FBXL2: variants seen among roughly 807,000 people sequenced by gnomAD.
FBXL2 encodes F-box/LRR-repeat protein 2.
Under a neutral mutation model 69.2 loss-of-function variants are expected in FBXL2, and 38 were observed. That is an observed-to-expected ratio of 0.55 (90% confidence interval 0.42 to 0.72). The LOEUF (loss-of-function observed/expected upper bound fraction) is 0.72, where lower values mean the gene tolerates loss of function less well. Among genes scored for constraint, FBXL2 ranks in the 30% least tolerant of loss-of-function variants. The pLI is 0.00. For synonymous variants in FBXL2, 192 were observed against 201.3 expected, an observed-to-expected ratio of 0.95 and a Z score of 0.39; for missense variants, 354 against 520.3, an observed-to-expected ratio of 0.68 and a Z score of 3.11.
chr3:33,292,964 C>T (rs1482246522), intron 1 of FBXL2, among the ~76,000 whole-genome samples: 3 of 152,132 alleles, frequency 2.0e-5, no homozygotes, highest in Non-Finnish European at 4.4e-5. Flanking sequence ...ACATATGCAC[C>T]AAACAACAGA....
At position 33,282,202 on chromosome 3, in the gene FBXL2, C is replaced by A. The variant is rs563331003; in HGVS notation, c.3+4687C>A. 1.7e-4 allele frequency among the ~76,000 whole-genome samples: 26 copies of A among 152,220 alleles called. No individual in the cohort carries two copies. In the South Asian group the frequency reaches 5.4e-3, roughly 32 times the overall value. ...TAGGTCTTACATTTAAGTCTTTAAT[C>A]CATCTTGAATTAATTTTTGTATAAG... is the stretch of plus-strand genomic sequence containing the variant. On this transcript the variant is annotated intron_variant, in intron 1 of 14. Coordinates refer to ENST00000484457, the MANE Select transcript of FBXL2 (RefSeq NM_012157.5).
intron 2 of FBXL2, among the ~76,000 whole-genome samples, chr3:33,356,390 C>T (rs112778078): frequency 0.01 from 1,534 of 152,082 alleles, 26 homozygotes; most frequent in African/African-American, 0.035. Context: ...CTCGCTCTGT[C>T]GCCAGGCTGG....
chr3:33,388,963 G>A (rs2043642104), downstream of FBXL2: 1 of 152,068 alleles, frequency 6.6e-6, no homozygotes, highest in South Asian at 2.1e-4. Flanking sequence ...GGACACCTGG[G>A]TATATGGACA....
Position 33,375,296 on chromosome 3 carries a change from G to A in FBXL2, c.666G>A (p.Thr222=), listed in dbSNP as rs187890901. 1.1e-5 allele frequency: 17 copies of A among 1,613,696 alleles called. No individual in the cohort carries two copies. The Admixed American group carries it at 1.3e-4, about 13-fold the overall frequency. ...GTGCTGCTTTTCCTCAGCGTATCACGGATGAAGGTGTGGTGCAGATATGCA... is the reference window on the plus strand; with the variant it reads ...GTGCTGCTTTTCCTCAGCGTATCACAGATGAAGGTGTGGTGCAGATATGCA... ...SLNLQSCSRI[T]DEGVVQICRG... Residue 222 remains threonine (T), a synonymous_variant, in exon 10 of 15, where the codon ACG becomes ACA. Transcript: ENST00000484457.
At chr3:33,420,511 A>C in the FBXL2 span, among the ~76,000 whole-genome samples, 1 of 123,924 alleles carries the variant, frequency 8.1e-6, no homozygotes, top group Non-Finnish European at 1.6e-5. Context: ...TTTTTTGGAG[A>C]CAGAGTCTCA....
At chr3:33,290,029 G>A (rs1429873897) in intron 1 of FBXL2, among the ~76,000 whole-genome samples, 1 of 152,118 alleles carries the variant, frequency 6.6e-6, no homozygotes, top group Non-Finnish European at 1.5e-5. Context: ...GGCACAGAAA[G>A]CAGAAGGTGC....
chr3:33,314,911 A>G (rs2037538717), intron 2 of FBXL2, among the ~76,000 whole-genome samples: 1 of 152,208 alleles, frequency 6.6e-6, no homozygotes, highest in Non-Finnish European at 1.5e-5. Context: ...AATGTCTGCC[A>G]AGTACCCTTG....
At chr3:33,284,998 T>G (rs561214168) in intron 1 of FBXL2, among the ~76,000 whole-genome samples, 258 of 152,348 alleles carry the variant, frequency 1.7e-3, no homozygotes, top group Non-Finnish European at 2.8e-3. Flanking sequence ...CTATCCAATT[T>G]GCCAGTCTGT....
intron 2 of FBXL2, among the ~76,000 whole-genome samples, chr3:33,318,735 ATGTTTTTT>A (rs1339797236): frequency 0.012 from 1,564 of 125,748 alleles, 21 homozygotes; most frequent in African/African-American, 0.049. Flanking sequence ...AACATAACTG[ATGTTTTTT>A]AAACATCTAT....
Position 33,381,662 on chromosome 3 carries a change from T to C in FBXL2, c.952-2327T>C, listed in dbSNP as rs192277994. Among the ~76,000 whole-genome samples, 687 of 150,682 alleles carry C rather than the reference T, an allele frequency of 4.6e-3. 3 individuals are homozygous for C. Among genetic ancestry groups the C allele is most frequent in the African/African-American group, 0.016 (642 of 41,000 alleles). On this transcript the variant is annotated intron_variant, in intron 13 of 14. Transcript: ENST00000484457. ...ATAAAAATTTAAAAAAAAAAGAAAA[T>C]GAAATATATACATACACAGAGAGAC... is the stretch of plus-strand genomic sequence containing the variant.
intron 9 of FBXL2, among the ~76,000 whole-genome samples, chr3:33,374,928 A>C (rs919388074): frequency 6.6e-6 from 1 of 152,216 alleles, no homozygotes; most frequent in African/African-American, 2.4e-5. Context: ...GAAAGCCTCA[A>C]AAGTTCTTTA....
intron 11 of FBXL2, 103 bp downstream of exon 11, chr3:33,377,436 G>C: frequency 9.0e-7 from 1 of 1,105,588 alleles, no homozygotes; most frequent in Non-Finnish European, 1.4e-6. Flanking sequence ...CTTCAGAAAA[G>C]ACAGGCACAA....
rs1381758492 is a variant in FBXL2, at chr3:33,277,506, T to C, written c.-7T>C. The C allele has an allele frequency of 2.3e-6, 3 of 1,301,758 alleles. No individual in the cohort carries two copies. In the African/African-American group the frequency reaches 4.6e-5, roughly 20 times the overall value. The allele number at this position is 1,301,758 out of a possible 1,614,324, so 80.6% of individuals were successfully genotyped here. A position where few individuals can be genotyped will look rare whatever the true frequency, so the allele number is the denominator to read the frequency against. On this transcript the variant is annotated 5_prime_UTR_variant, in exon 1 of 15. Coordinates refer to ENST00000484457, the MANE Select transcript of FBXL2 (RefSeq NM_012157.5). ...CGGGCTGTGGGCTCGCTCGCGGCTC[T>C]TCGGCCATGGTGAGTCTGGGACCCG...
At chr3:33,300,570 T>C (rs1037010522) in intron 2 of FBXL2, 1 of 152,254 alleles carries the variant, frequency 6.6e-6, no homozygotes, top group African/African-American at 2.4e-5. Flanking sequence ...CTTCTCCAAC[T>C]TGTGAGTCTC....
chr3:33,409,405 A>G, the FBXL2 span: 1 of 1,613,946 alleles, frequency 6.2e-7, no homozygotes, highest in Non-Finnish European at 8.5e-7. Context: ...CTTTACAGGC[A>G]AAACTGAGCC....
intron 7 of FBXL2, 72 bp from the exon 8 acceptor site, chr3:33,373,506 C>T (rs2042430907): frequency 4.4e-6 from 7 of 1,605,870 alleles, no homozygotes; most frequent in Non-Finnish European, 6.0e-6. Context: ...TTGTGATGTA[C>T]TAAACTCAGA....
intron 13 of FBXL2, among the ~76,000 whole-genome samples, chr3:33,380,278 G>A (rs1217052579): frequency 2.0e-5 from 3 of 151,016 alleles, no homozygotes; most frequent in Non-Finnish European, 3.0e-5. Context: ...GTACCAGGCC[G>A]GCTGCGGTGG....
chr3:33,396,968 A>G (rs1014920820), intron 12 of FBXL2: 2 of 1,358,558 alleles, frequency 1.5e-6, no homozygotes, highest in Non-Finnish European at 2.1e-6. Context: ...CCTAGCGTGG[A>G]AACACATTCT....
chr3:33,342,893 G>GTTTTTT (rs60623868), intron 2 of FBXL2, among the ~76,000 whole-genome samples: 4 of 99,260 alleles, frequency 4.0e-5, no homozygotes, highest in African/African-American at 1.5e-4. Context: ...ACGCCCAGCT[G>GTTTTTT]TTTTTTTTTT....
Sources: allele counts gnomAD v4.1 joint callset (sites outside exome capture counted in the v4.1 genomes callset), GRCh38; gene constraint gnomAD v4.1.1; transcripts MANE v1.5; gene names NCBI Gene and HGNC (gene_info 2026-07-23, HGNC 2026-07-21).